The following MTOR variants were observed in gnomAD, a reference collection of about 807,000 sequenced individuals.
The protein encoded by MTOR is serine/threonine-protein kinase mTOR.
MTOR carries 70 observed loss-of-function variants against 319.8 expected under a neutral mutation model. The observed-to-expected ratio is 0.22, with a 90% CI of 0.18 to 0.27. The LOEUF is 0.27. MTOR is among the 10% of genes least tolerant of loss of function. MTOR has a pLI of 1.00. For missense variants in MTOR, 1,890 were observed against 3,274.4 expected (o/e 0.58, Z 10.32); for synonymous variants, 1,183 against 1,211.4 (o/e 0.98, Z 0.49).
At chr1:11,117,114 C>T (rs17235647) in intron 49 of MTOR, 28 bp from the exon 50 acceptor site, 93 of 1,549,222 alleles carry the variant, frequency 6.0e-5, no homozygotes, top group Non-Finnish European at 7.7e-5. Context: ...ATGTGAACTA[C>T]GGTTCTGGAA....
Position 11,127,249 on chromosome 1 carries a change from C to G in MTOR, c.6217-105G>C. On this transcript the variant is annotated intron_variant, in intron 44 of 57. Coordinates refer to ENST00000361445, the MANE Select transcript of MTOR (RefSeq NM_004958.4). This position sits in a 1 kb window ranked among gnomAD's most constrained non-coding sequence, Gnocchi z 5.5. ...GATATTCCTCAGGAGCCCGCTGTGGCCTGAAAACACTGGCAGGGGGCTGGA... is the reference window on the plus strand; with the variant it reads ...GATATTCCTCAGGAGCCCGCTGTGGGCTGAAAACACTGGCAGGGGGCTGGA... 1 of 1,484,936 alleles carries G rather than the reference C, an allele frequency of 6.7e-7. No individual in the cohort carries two copies. Among genetic ancestry groups the G allele is most frequent in the Non-Finnish European group, 9.1e-7 (1 of 1,096,180 alleles). The allele number at this position is 1,484,936 out of a possible 1,614,324, so 92.0% of individuals were successfully genotyped here.
intron 28 of MTOR, among the ~76,000 whole-genome samples, chr1:11,198,448 A>C (rs1000711204): frequency 6.6e-6 from 1 of 152,178 alleles, no homozygotes; most frequent in African/African-American, 2.4e-5. Context: ...CAAACAAAGG[A>C]GGCTCTATCC....
chr1:11,229,392 G>A (rs535799303), intron 18 of MTOR, among the ~76,000 whole-genome samples: 3 of 152,270 alleles, frequency 2.0e-5, no homozygotes, highest in African/African-American at 4.8e-5. Context: ...GGACTCTGAC[G>A]GTGGCAGCGG....
chr1:11,200,135 G>C (rs1645914105), intron 26 of MTOR, among the ~76,000 whole-genome samples: 1 of 151,964 alleles, frequency 6.6e-6, no homozygotes, highest in Non-Finnish European at 1.5e-5. Flanking sequence ...AACAGTATAG[G>C]GACTTCTAAC....
In MTOR at chr1:11,238,058, C is replaced by G; in HGVS notation, c.2003-10G>C. The G allele has an allele frequency of 6.2e-7, 1 of 1,613,870 alleles. No homozygotes were observed. The highest frequency in any genetic ancestry group is 8.5e-7 in the Non-Finnish European group (1 of 1,179,808). ...TAGCGAATGTCAGGGTCTGCAAGAG[C>G]AATGGAGCCTTTGAACATTTCCTCA... On this transcript the variant is annotated splice_polypyrimidine_tract_variant and intron_variant, in intron 12 of 57. Transcript: ENST00000361445.
Position 11,210,880 on chromosome 1 carries a change from A to C in MTOR, c.3588T>G (p.Asn1196Lys), listed in dbSNP as rs1426839744. The C allele has an allele frequency of 5.6e-6, 9 of 1,613,658 alleles. No individual in the cohort carries two copies. Among genetic ancestry groups the C allele is most frequent in the Admixed American group, 1.7e-5 (1 of 59,968 alleles). ...TGATTCGGTGTCGCACCAGAACTTT[A>C]TTCACCATTGGAATGAAAATTTGGT... is the stretch of plus-strand genomic sequence containing the variant. ...KKYQIFIPMV[N>K]KVLVRHRINH... Residue 1196 changes from asparagine (N) to lysine (K), a missense_variant, in exon 24 of 58, where the codon AAT (asparagine) becomes AAG (lysine). Coordinates refer to ENST00000361445, the MANE Select transcript of MTOR (RefSeq NM_004958.4).
In MTOR at chr1:11,109,566, G is replaced by T. The variant is rs1641751047; in HGVS notation, c.7447+83C>A. 1.4e-6 allele frequency: 2 copies of T among 1,399,708 alleles called. No individual in the cohort carries two copies. The highest frequency in any genetic ancestry group is 2.0e-6 in the Non-Finnish European group (2 of 990,752). The allele number at this position is 1,399,708 out of a possible 1,614,324, so 86.7% of individuals were successfully genotyped here. ...AAAGGCAGTTTTGTTGCTTCATCTTGTTGACCCCTCTCAGGGTATAACACA... is the reference window on the plus strand; with the variant it reads ...AAAGGCAGTTTTGTTGCTTCATCTTTTTGACCCCTCTCAGGGTATAACACA... On this transcript the variant is annotated intron_variant, in intron 55 of 57. Transcript: ENST00000361445. This position sits in a 1 kb window ranked among gnomAD's most constrained non-coding sequence, Gnocchi z 4.0.
At chr1:11,181,207 A>T (rs1256934075) in intron 28 of MTOR, among the ~76,000 whole-genome samples, 1 of 152,188 alleles carries the variant, frequency 6.6e-6, no homozygotes. Flanking sequence ...TGGAATAAAC[A>T]GGAGAGGGAG....
At chr1:11,119,331 C>T (rs1419500341) in intron 49 of MTOR, among the ~76,000 whole-genome samples, 1 of 151,800 alleles carries the variant, frequency 6.6e-6, no homozygotes, top group Non-Finnish European at 1.5e-5. Context: ...CTTTGAGAGG[C>T]TGAGGCGGGC....
intron 39 of MTOR, among the ~76,000 whole-genome samples, chr1:11,130,105 G>C (rs1473487235): frequency 6.6e-6 from 1 of 152,200 alleles, no homozygotes; most frequent in Non-Finnish European, 1.5e-5. Flanking sequence ...TGAACACCCG[G>C]ATCTCTGGGC....
chr1:11,230,345 G>A lies in MTOR; in HGVS notation c.2779+580C>T, dbSNP rs557161343. Among the ~76,000 whole-genome samples, 166 of 152,208 alleles carry A rather than the reference G, an allele frequency of 1.1e-3. 5 individuals are homozygous for A. In the South Asian group the frequency reaches 0.033, roughly 31 times the overall value. On this transcript the variant is annotated intron_variant, in intron 18 of 57. Transcript: ENST00000361445. ...TGAGACAGAAGAATTGCTTGAACTCGGGAGGCAGAGGTTGCAGTGCTGTAT... is the reference window on the plus strand; with the variant it reads ...TGAGACAGAAGAATTGCTTGAACTCAGGAGGCAGAGGTTGCAGTGCTGTAT...
chr1:11,262,225 G>C (rs533531761), intron 1 of MTOR, among the ~76,000 whole-genome samples: 81 of 152,352 alleles, frequency 5.3e-4, no homozygotes, highest in African/African-American at 1.9e-3. Context: ...GACGTACCGC[G>C]GGCCGAAGGG....
rs951996795 is a variant in MTOR, at chr1:11,194,301, G to T, written c.4253+4957C>A. The stretch of plus-strand genomic sequence containing the variant: ...TCGAGCCTTGTTTTCTGATTCCCAG[G>T]TTAACACAGTAAACTGGAGGTAAAC... On this transcript the variant is annotated intron_variant, in intron 28 of 57. Transcript: ENST00000361445. 2.3e-4 allele frequency among the ~76,000 whole-genome samples: 35 copies of T among 152,182 alleles called. 1 individual carries two copies. The highest frequency in any genetic ancestry group is 2.0e-3 in the Admixed American group (30 of 15,270).
In MTOR at chr1:11,112,927, G is replaced by A. The variant is rs1227434398; in HGVS notation, c.7301-10C>T. On this transcript the variant is annotated splice_polypyrimidine_tract_variant and intron_variant, in intron 53 of 57. Coordinates refer to ENST00000361445, the MANE Select transcript of MTOR (RefSeq NM_004958.4). ...TTGCCTTTGGTATTTGCTAGGGAGA[G>A]AAATAAAGAGTATTGAAACATGCTT... 6.2e-7 allele frequency: 1 copy of A among 1,612,904 alleles called. No individual in the cohort carries two copies. The highest frequency in any genetic ancestry group is 2.2e-5 in the East Asian group (1 of 44,894).
chr1:11,184,741 A>G (rs945296161), intron 28 of MTOR, among the ~76,000 whole-genome samples: 2 of 152,166 alleles, frequency 1.3e-5, no homozygotes, highest in Non-Finnish European at 2.9e-5. Flanking sequence ...TCTAAAAAAA[A>G]TAAAAAATAA....
rs1024397380 is a variant in MTOR at position 11,130,969 on chromosome 1, C to G, written c.5365-192G>C. The G allele has an allele frequency of 4.3e-6, 3 of 695,870 alleles. No homozygotes were observed. In the Admixed American group the frequency reaches 8.6e-5, roughly 20 times the overall value. 43.1% of individuals were successfully genotyped at this position (695,870 alleles called of 1,614,324 possible). ...CATGATCCACTCACTTTGTGGAGCA[C>G]TAACTATATAACGTACTATGAGTGC... is the stretch of plus-strand genomic sequence containing the variant. On this transcript the variant is annotated intron_variant, in intron 38 of 57. Transcript: ENST00000361445.
At chr1:11,200,535 G>C (rs1571148905) in intron 26 of MTOR, among the ~76,000 whole-genome samples, 1 of 152,106 alleles carries the variant, frequency 6.6e-6, no homozygotes, top group South Asian at 2.1e-4. Flanking sequence ...ACTGTGCGGG[G>C]AAGGAAATGG....
chr1:11,196,605 A>G (rs1645793217), intron 28 of MTOR, among the ~76,000 whole-genome samples: 1 of 152,232 alleles, frequency 6.6e-6, no homozygotes, highest in Admixed American at 6.5e-5. Flanking sequence ...CTGTAATCCC[A>G]GCACTTTAGG....
chr1:11,126,954 T>C (rs972392994), intron 45 of MTOR, 56 bp downstream of exon 45: 1 of 1,604,476 alleles, frequency 6.2e-7, no homozygotes. Flanking sequence ...TCATAGACAG[T>C]AAAACAGAAA....
Sources: allele counts gnomAD v4.1 joint callset (sites outside exome capture counted in the v4.1 genomes callset), GRCh38; gene constraint gnomAD v4.1.1; non-coding constraint Gnocchi (gnomAD v3.1); transcripts MANE v1.5; gene names NCBI Gene and HGNC (gene_info 2026-07-23, HGNC 2026-07-21).